Variants in RIN3 observed in about 807,000 individuals in gnomAD.
RIN3 encodes the protein Ras and Rab interactor 3.
In RIN3, 54 loss-of-function variants were observed where a neutral mutation model predicts 76.3. That is an observed-to-expected ratio of 0.71 (90% confidence interval 0.57 to 0.89). RIN3 has a LOEUF of 0.89. Ranked by LOEUF, RIN3 falls within the 40% of genes least tolerant of loss-of-function variation. The pLI is 0.00. For missense variants in RIN3, 1,256 were observed against 1,322.1 expected (o/e 0.95, Z 0.78); for synonymous variants, 576 against 564.0 (o/e 1.02, Z -0.30).
At chr14:92,583,080 C>T (rs1884617405) in intron 3 of RIN3, among the ~76,000 whole-genome samples, 1 of 152,160 alleles carries the variant, frequency 6.6e-6, no homozygotes, top group Non-Finnish European at 1.5e-5. Context: ...TCACAGGGCA[C>T]TGGAAAGGGT....
intron 2 of RIN3, among the ~76,000 whole-genome samples, chr14:92,566,821 C>T (rs1188539420): frequency 6.6e-6 from 1 of 152,176 alleles, no homozygotes; most frequent in Non-Finnish European, 1.5e-5. Context: ...CGCTTGAATG[C>T]CCATCCCCTT....
intron 4 of RIN3, among the ~76,000 whole-genome samples, chr14:92,628,406 G>A (rs961137399): frequency 2.0e-5 from 3 of 152,112 alleles, no homozygotes; most frequent in Admixed American, 1.3e-4. Flanking sequence ...ATCCCCTTTG[G>A]GGAGGTTGAG....
intron 4 of RIN3, among the ~76,000 whole-genome samples, chr14:92,638,946 A>G (rs551241992): frequency 1.2e-4 from 19 of 152,330 alleles, no homozygotes; most frequent in Non-Finnish European, 2.5e-4. Flanking sequence ...GCACTTCCCA[A>G]GGGGCCATGG....
intron 8 of RIN3, among the ~76,000 whole-genome samples, chr14:92,679,744 G>T (rs1428192358): frequency 6.6e-6 from 1 of 152,154 alleles, no homozygotes; most frequent in African/African-American, 2.4e-5. Flanking sequence ...AGGGTGGGAG[G>T]TGGGGGTTCC....
chr14:92,520,259 A>G (rs1159492990), intron 1 of RIN3, among the ~76,000 whole-genome samples: 2 of 152,248 alleles, frequency 1.3e-5, no homozygotes, highest in African/African-American at 2.4e-5. Context: ...CTCAGGCCAC[A>G]TCCTATGGGG....
At position 92,639,386 on chromosome 14, in the gene RIN3, G is replaced by A. The variant is rs1886900092; in HGVS notation, c.441-1852G>A. ...AGAACAGGTTGTGAAGAAAATAGTG[G>A]TGGCTGCCAGGTCTTGATAACCACT... is the stretch of plus-strand genomic sequence containing the variant. On this transcript the variant is annotated intron_variant, in intron 4 of 9. Transcript: ENST00000216487. 2.0e-5 allele frequency among the ~76,000 whole-genome samples: 3 copies of A among 152,232 alleles called. No individual in the cohort carries two copies. In the South Asian group the frequency reaches 6.2e-4, roughly 32 times the overall value.
chr14:92,546,279 T>A (rs915091839), intron 1 of RIN3, among the ~76,000 whole-genome samples: 1 of 152,230 alleles, frequency 6.6e-6, no homozygotes, highest in Non-Finnish European at 1.5e-5. Flanking sequence ...TGGGGGTGCA[T>A]GTGATCTTCT....
chr14:92,607,462 A>T (rs1194379746), intron 3 of RIN3, among the ~76,000 whole-genome samples: 1 of 152,224 alleles, frequency 6.6e-6, no homozygotes, highest in Non-Finnish European at 1.5e-5. Context: ...CAAAAAATTT[A>T]AAAATTAGCT....
chr14:92,530,748 C>T (rs769254340), intron 1 of RIN3, among the ~76,000 whole-genome samples: 5 of 152,082 alleles, frequency 3.3e-5, no homozygotes, highest in African/African-American at 1.2e-4. Context: ...TTCTGGGGCC[C>T]TACTGCCTTT....
intron 1 of RIN3, among the ~76,000 whole-genome samples, chr14:92,550,048 C>G (rs900511381): frequency 6.6e-6 from 1 of 152,138 alleles, no homozygotes; most frequent in Non-Finnish European, 1.5e-5. Context: ...TTGGGCTTAG[C>G]GACGGTTCCT....
chr14:92,630,837 G>T (rs1233269636), intron 4 of RIN3, among the ~76,000 whole-genome samples: 1 of 152,186 alleles, frequency 6.6e-6, no homozygotes, highest in Non-Finnish European at 1.5e-5. Flanking sequence ...GGGAGTTGGA[G>T]ACCCATCACT....
At chr14:92,636,951 A>T (rs754751347) in intron 4 of RIN3, among the ~76,000 whole-genome samples, 55 of 152,050 alleles carry the variant, frequency 3.6e-4, no homozygotes, top group Non-Finnish European at 1.0e-4. Flanking sequence ...GTGCTTGGGC[A>T]CGCGTATGTG....
chr14:92,657,955 C>T (rs191224614), intron 6 of RIN3, among the ~76,000 whole-genome samples: 1 of 152,300 alleles, frequency 6.6e-6, no homozygotes, highest in Admixed American at 6.5e-5. Context: ...TGTCTCCTTA[C>T]AGGAACAGGG....
At chr14:92,631,138 A>T (rs1487430026) in intron 4 of RIN3, among the ~76,000 whole-genome samples, 1 of 152,198 alleles carries the variant, frequency 6.6e-6, no homozygotes, top group Non-Finnish European at 1.5e-5. Context: ...CCCCAGCACC[A>T]TGCTGAACCA....
chr14:92,525,821 C>T (rs903506516), intron 1 of RIN3, among the ~76,000 whole-genome samples: 9 of 152,194 alleles, frequency 5.9e-5, no homozygotes, highest in African/African-American at 1.9e-4. Context: ...CAGGGACCCT[C>T]AGTCTTGTGG....
chr14:92,551,454 G>T (rs192077458), intron 1 of RIN3, among the ~76,000 whole-genome samples: 2 of 152,226 alleles, frequency 1.3e-5, no homozygotes, highest in Admixed American at 1.3e-4. Context: ...CATTTCCCTC[G>T]GGTGTATACC....
chr14:92,549,983 G>A (rs1897379291), intron 1 of RIN3, among the ~76,000 whole-genome samples: 1 of 152,218 alleles, frequency 6.6e-6, no homozygotes, highest in Non-Finnish European at 1.5e-5. Context: ...GTGAGAGGGA[G>A]GGCGTGGGTG....
At chr14:92,684,415 C>T (rs1478690349) in intron 8 of RIN3, among the ~76,000 whole-genome samples, 1 of 146,108 alleles carries the variant, frequency 6.8e-6, no homozygotes, top group African/African-American at 2.5e-5. Context: ...TCACACAAAG[C>T]ATGTTTTATA....
At chr14:92,610,385 T>C (rs1885688835) in intron 3 of RIN3, among the ~76,000 whole-genome samples, 1 of 152,224 alleles carries the variant, frequency 6.6e-6, no homozygotes, top group African/African-American at 2.4e-5. Flanking sequence ...TCTGTTTATT[T>C]GGCCCATTCT....
Sources: allele counts gnomAD v4.1 joint callset (sites outside exome capture counted in the v4.1 genomes callset), GRCh38; gene constraint gnomAD v4.1.1; transcripts MANE v1.5; gene names NCBI Gene and HGNC (gene_info 2026-07-23, HGNC 2026-07-21).